Variants in GREM2 observed in about 807,000 individuals in gnomAD.
The protein encoded by GREM2 is gremlin-2.
Under a neutral mutation model 14.2 loss-of-function variants are expected in GREM2, and 11 were observed. That is an observed-to-expected ratio of 0.78 (90% CI 0.49 to 1.28). GREM2 has a LOEUF of 1.28. Among genes scored for constraint, GREM2 ranks in the 50% most tolerant of loss-of-function variants. The probability of loss-of-function intolerance (pLI) is 0.00; values close to 1 mark genes in which losing one functional copy is unlikely to be tolerated. For synonymous variants in GREM2, 98 were observed against 97.6 expected (o/e 1.00, Z -0.02); for missense variants, 210 against 218.5 (o/e 0.96, Z 0.24).
At chr1:240,570,245 C>T (rs996251857) in intron 1 of GREM2, among the ~76,000 whole-genome samples, 1 of 152,070 alleles carries the variant, frequency 6.6e-6, no homozygotes, top group Non-Finnish European at 1.5e-5. Context: ...GGGCAGATCA[C>T]GAGATCAAGA....
chr1:240,587,581 C>A (rs1416799444), intron 1 of GREM2, among the ~76,000 whole-genome samples: 1 of 152,150 alleles, frequency 6.6e-6, no homozygotes, highest in African/African-American at 2.4e-5. Context: ...CTCAGCCTCC[C>A]AAAGTGCTAG....
chr1:240,511,707 T>C (rs1677835095), intron 1 of GREM2, among the ~76,000 whole-genome samples: 1 of 152,096 alleles, frequency 6.6e-6, no homozygotes, highest in Non-Finnish European at 1.5e-5. Context: ...AAGCCGAGAT[T>C]GTGACACTGC....
chr1:240,535,983 C>T (rs1355863135), intron 1 of GREM2, among the ~76,000 whole-genome samples: 1 of 152,030 alleles, frequency 6.6e-6, no homozygotes, highest in Non-Finnish European at 1.5e-5. Context: ...GAAGTGAGCC[C>T]TCTGAGTTTG....
intron 1 of GREM2, among the ~76,000 whole-genome samples, chr1:240,582,523 T>G (rs912412954): frequency 1.3e-5 from 2 of 152,018 alleles, no homozygotes; most frequent in Non-Finnish European, 2.9e-5. Context: ...TGACCTGGCC[T>G]GGTGGCTCAC....
At chr1:240,550,490 G>A (rs1421091254) in intron 1 of GREM2, 2 of 152,308 alleles carry the variant, frequency 1.3e-5, no homozygotes, top group African/African-American at 4.8e-5. Context: ...GTGAATGTGA[G>A]TGTGACCCAG....
At chr1:240,573,620 A>G (rs1228663684) in intron 1 of GREM2, among the ~76,000 whole-genome samples, 2 of 152,198 alleles carry the variant, frequency 1.3e-5, no homozygotes, top group Non-Finnish European at 2.9e-5. Context: ...AATTTGAGGT[A>G]TGAAATTCCA....
rs12130414 is a variant in GREM2, at chr1:240,603,364, C to T, written c.-2+8520G>A. 3.8e-3 allele frequency among the ~76,000 whole-genome samples: 576 copies of T among 152,264 alleles called. 3 individuals are homozygous for T. The highest frequency in any genetic ancestry group is 6.7e-3 in the Non-Finnish European group (458 of 68,022). On this transcript the variant is annotated intron_variant, in intron 1 of 1. Coordinates refer to ENST00000318160, the MANE Select transcript of GREM2 (RefSeq NM_022469.4). The stretch of plus-strand genomic sequence containing the variant: ...TCAAACTAGAGCAAATTCAAGTAAA[C>T]GGAAGAGATACACATCTCCTCTTCT...
chr1:240,512,850 C>G (rs749523363), intron 1 of GREM2, among the ~76,000 whole-genome samples: 3 of 152,112 alleles, frequency 2.0e-5, no homozygotes, highest in Non-Finnish European at 2.9e-5. Context: ...AATCCCAATT[C>G]CTGTTCCTGA....
intron 1 of GREM2, among the ~76,000 whole-genome samples, chr1:240,502,365 G>A (rs1488845296): frequency 6.6e-6 from 1 of 152,082 alleles, no homozygotes; most frequent in African/African-American, 2.4e-5. Flanking sequence ...AAACTCTTGA[G>A]AAAATATTTT....
rs74584833 is a variant in GREM2 at position 240,510,700 on chromosome 1, C to T, written c.-1-17224G>A. On this transcript the variant is annotated intron_variant, in intron 1 of 1. Transcript: ENST00000318160. ...ATTAAAGTGGTGATTTAAAAGTTTT[C>T]GATGAACAAATTCAGTCTGTGGTTA... Among the ~76,000 whole-genome samples, 12 of 152,036 alleles carry T rather than the reference C, an allele frequency of 7.9e-5. No homozygotes were observed. In the East Asian group the frequency reaches 1.9e-3, roughly 24 times the overall value.
intron 1 of GREM2, among the ~76,000 whole-genome samples, chr1:240,593,010 A>T (rs1348954133): frequency 6.6e-6 from 1 of 151,348 alleles, no homozygotes; most frequent in African/African-American, 2.4e-5. Context: ...CCGGCATGGT[A>T]GTGGGCGCCT....
intron 1 of GREM2, among the ~76,000 whole-genome samples, chr1:240,554,241 T>A (rs902284107): frequency 1.3e-5 from 2 of 151,814 alleles, no homozygotes; most frequent in Non-Finnish European, 2.9e-5. Context: ...TGAAGCCCCA[T>A]CTCTACTAAA....
At chr1:240,593,856 T>C (rs1429693531) in intron 1 of GREM2, among the ~76,000 whole-genome samples, 2 of 152,166 alleles carry the variant, frequency 1.3e-5, no homozygotes, top group African/African-American at 4.8e-5. Context: ...TGCTCTGCAA[T>C]GGCCTACCTT....
intron 1 of GREM2, among the ~76,000 whole-genome samples, chr1:240,606,397 T>A (rs980871360): frequency 1.3e-5 from 2 of 152,216 alleles, no homozygotes; most frequent in Non-Finnish European, 2.9e-5. Context: ...ATGAAAAGAC[T>A]TGTGTTGTCA....
At chr1:240,584,484 G>C (rs1377249169) in intron 1 of GREM2, among the ~76,000 whole-genome samples, 5 of 116,814 alleles carry the variant, frequency 4.3e-5, no homozygotes, top group African/African-American at 1.8e-4. Flanking sequence ...GACAGAGCGA[G>C]ACTCCATCTC....
At chr1:240,522,114 T>G (rs919061905) in intron 1 of GREM2, among the ~76,000 whole-genome samples, 2 of 135,826 alleles carry the variant, frequency 1.5e-5, no homozygotes, top group East Asian at 4.1e-4. Context: ...AGCAAAACCC[T>G]GTCTCCAAAA....
At chr1:240,506,935 A>C (rs1264147821) in intron 1 of GREM2, among the ~76,000 whole-genome samples, 1 of 152,196 alleles carries the variant, frequency 6.6e-6, no homozygotes, top group African/African-American at 2.4e-5. Flanking sequence ...CTTGGGCTTT[A>C]GCGTGTTGAA....
intron 1 of GREM2, among the ~76,000 whole-genome samples, chr1:240,524,551 T>C (rs1678180369): frequency 6.6e-6 from 1 of 152,218 alleles, no homozygotes; most frequent in African/African-American, 2.4e-5. Context: ...GTAATCTGTA[T>C]AGTATAAGGT....
rs114163272 is a variant in GREM2, at chr1:240,540,908, C to A, written c.-1-47432G>T. Among the ~76,000 whole-genome samples, 359 of 152,212 alleles carry A rather than the reference C, an allele frequency of 2.4e-3. 1 individual carries two copies. The highest frequency in any genetic ancestry group is 8.5e-3 in the African/African-American group (351 of 41,530). The stretch of plus-strand genomic sequence containing the variant: ...ACAGTTACTAAGGAGAGAGATGGCA[C>A]TCATCAATCAGTTTGTCGCCTTCCA... On this transcript the variant is annotated intron_variant, in intron 1 of 1. Coordinates refer to ENST00000318160, the MANE Select transcript of GREM2 (RefSeq NM_022469.4). The surrounding 1 kb of genome is among the most constrained non-coding windows in gnomAD (Gnocchi z 4.2).
Sources: gnomAD v4.1 joint callset for allele counts (sites outside exome capture counted in the v4.1 genomes callset) on GRCh38, gnomAD v4.1.1 for gene constraint, Gnocchi (gnomAD v3.1) non-coding constraint, MANE v1.5 for transcripts, NCBI Gene and HGNC (gene_info 2026-07-23, HGNC 2026-07-21) for gene names.